POC1B: variants seen among roughly 807,000 people sequenced by gnomAD.
The protein encoded by POC1B is POC1 centriolar protein B.
A neutral mutation model predicts 60.6 loss-of-function variants in POC1B; 44 were observed. The observed-to-expected ratio is 0.73, with a 90% CI of 0.57 to 0.93. POC1B has a LOEUF of 0.93. Among genes scored for constraint, POC1B ranks in the 40% least tolerant of loss-of-function variants. The pLI, the probability that POC1B is intolerant of heterozygous loss-of-function variation, is 0.00. For missense variants in POC1B, 555 were observed against 572.3 expected (o/e 0.97, Z 0.31); for synonymous variants, 180 against 198.9 (o/e 0.90, Z 0.80).
At chr12:89,436,002 T>C (rs535988030) in intron 10 of POC1B, among the ~76,000 whole-genome samples, 2 of 151,740 alleles carry the variant, frequency 1.3e-5, no homozygotes, top group South Asian at 4.2e-4. Flanking sequence ...TGGAATGTAG[T>C]GGCACGATCT....
chr12:89,435,179 CTTTTT>C (rs56061239), intron 10 of POC1B, among the ~76,000 whole-genome samples: 1 of 113,542 alleles, frequency 8.8e-6, no homozygotes. Context: ...GAATGACATT[CTTTTT>C]TTTTTTTTTT....
chr12:89,413,979 C>T, the POC1B span, among the ~76,000 whole-genome samples: 1 of 152,150 alleles, frequency 6.6e-6, no homozygotes, highest in African/African-American at 2.4e-5. Flanking sequence ...GCAACCTCCG[C>T]CTCCCAGGCT....
chr12:89,476,751 T>TAGATAGATAGAC (rs57471650), intron 4 of POC1B, among the ~76,000 whole-genome samples: 31 of 105,024 alleles, frequency 3.0e-4, no homozygotes, highest in African/African-American at 1.0e-3. Flanking sequence ...GATAGATAGA[T>TAGATAGATAGAC]AGATAGATAG....
At chr12:89,403,152 C>T in the POC1B span, among the ~76,000 whole-genome samples, 349 of 152,006 alleles carry the variant, frequency 2.3e-3, no homozygotes, top group African/African-American at 7.9e-3. Flanking sequence ...GCATTACAGA[C>T]GCCCGCCACC....
At chr12:89,445,089 G>A (rs913050523) in intron 10 of POC1B, among the ~76,000 whole-genome samples, 1 of 152,088 alleles carries the variant, frequency 6.6e-6, no homozygotes, top group Non-Finnish European at 1.5e-5. Context: ...AGAAACCACT[G>A]CTCAACAAAA....
chr12:89,501,454 C>A, intron 2 of POC1B: 1 of 966,868 alleles, frequency 1.0e-6, no homozygotes, highest in East Asian at 2.4e-5. Flanking sequence ...ACATATTACC[C>A]AAGACAAATT....
chr12:89,432,593 T>C (rs1881083631), intron 10 of POC1B, among the ~76,000 whole-genome samples: 1 of 151,874 alleles, frequency 6.6e-6, no homozygotes, highest in Non-Finnish European at 1.5e-5. Context: ...GAAAAGTAAA[T>C]ATGTAGATAT....
At position 89,500,765 on chromosome 12, in the gene POC1B, T is replaced by TAATAAAGTATCAG. The variant is rs1347438910; in HGVS notation, c.101-3436_101-3424dup. ...GAAAATAGAAATAGATAGAAATAGA[T>TAATAAAGTATCAG]AATAAAGTATCAGATAAAGAGGATA... On this transcript the variant is annotated intron_variant, in intron 2 of 11. Coordinates refer to ENST00000313546, the MANE Select transcript of POC1B (RefSeq NM_172240.3). The TAATAAAGTATCAG allele has an allele frequency of 8.5e-5, 90 of 1,053,994 alleles. 1 individual carries two copies. Among genetic ancestry groups the TAATAAAGTATCAG allele is most frequent in the Non-Finnish European group, 1.2e-4 (82 of 710,192 alleles). 65.3% of individuals were successfully genotyped at this position (1,053,994 alleles called of 1,614,324 possible).
intron 2 of POC1B, among the ~76,000 whole-genome samples, chr12:89,518,429 CAA>C (rs1161525357): frequency 6.6e-6 from 1 of 152,138 alleles, no homozygotes; most frequent in Admixed American, 6.5e-5. Flanking sequence ...CAGAGGCATG[CAA>C]AGAGGTCTAG....
intron 7 of POC1B, 40 bp downstream of exon 7, chr12:89,470,321 T>C (rs759755665): frequency 9.1e-7 from 1 of 1,098,090 alleles, no homozygotes; most frequent in Non-Finnish European, 1.2e-6. Flanking sequence ...TATTATTTTA[T>C]ATTTTTATAT....
chr12:89,463,787 A>T (rs1882569578), intron 9 of POC1B, among the ~76,000 whole-genome samples: 1 of 152,164 alleles, frequency 6.6e-6, no homozygotes, highest in South Asian at 2.1e-4. Context: ...TTTTAAAAGT[A>T]ATATGGCTAT....
chr12:89,524,569 G>A (rs376176561), intron 2 of POC1B: 19 of 1,609,518 alleles, frequency 1.2e-5, no homozygotes, highest in East Asian at 8.9e-5. Flanking sequence ...CAGGGCTGAG[G>A]CGCAGACGCG....
At chr12:89,487,413 C>T (rs1868696086) in intron 4 of POC1B, among the ~76,000 whole-genome samples, 1 of 152,166 alleles carries the variant, frequency 6.6e-6, no homozygotes, top group South Asian at 2.1e-4. Flanking sequence ...TTCAGTGACT[C>T]CTCCCCGGTT....
intron 6 of POC1B, 21 bp from the exon 7 acceptor site, chr12:89,470,515 G>A (rs1592608698): frequency 6.4e-7 from 1 of 1,562,346 alleles, no homozygotes; most frequent in Non-Finnish European, 8.7e-7. Flanking sequence ...GAAAATAAAA[G>A]CAAAAAGTTC....
At chr12:89,482,476 A>G (rs1302601564) in intron 4 of POC1B, among the ~76,000 whole-genome samples, 1 of 152,220 alleles carries the variant, frequency 6.6e-6, no homozygotes, top group Non-Finnish European at 1.5e-5. Flanking sequence ...CCATAGATCC[A>G]AACAGTTCAG....
chr12:89,502,150 GAA>G, intron 2 of POC1B: 1 of 1,194,972 alleles, frequency 8.4e-7, no homozygotes, highest in South Asian at 1.2e-5. Flanking sequence ...AGTTTTAGAG[GAA>G]AGTGGACCTT....
intron 10 of POC1B, among the ~76,000 whole-genome samples, chr12:89,448,140 G>A (rs983567384): frequency 1.3e-5 from 2 of 152,058 alleles, no homozygotes; most frequent in Non-Finnish European, 2.9e-5. Context: ...GCATAGCTGT[G>A]TTTAAAAATA....
At chr12:89,501,696 G>A (rs2135747780) in intron 2 of POC1B, 2 of 979,558 alleles carry the variant, frequency 2.0e-6, no homozygotes, top group East Asian at 2.4e-5. Context: ...CTAATTGGTG[G>A]GTGGTAAAAT....
chr12:89,421,915 C>A (rs1350855409), intron 11 of POC1B, among the ~76,000 whole-genome samples: 1 of 151,978 alleles, frequency 6.6e-6, no homozygotes, highest in Non-Finnish European at 1.5e-5. Flanking sequence ...TAGAACACAT[C>A]CAGAATACAT....
Sources: gnomAD v4.1 joint callset for allele counts (sites outside exome capture counted in the v4.1 genomes callset) on GRCh38, gnomAD v4.1.1 for gene constraint, MANE v1.5 for transcripts, NCBI Gene and HGNC (gene_info 2026-07-23, HGNC 2026-07-21) for gene names.